Variants in SMAD6 observed in about 807,000 individuals in gnomAD.
SMAD6 encodes MAD homolog 6.
A neutral mutation model predicts 39.4 loss-of-function variants in SMAD6; 103 were observed. That is an observed-to-expected ratio of 2.62 (90% CI 2.23 to 3.08). The LOEUF is 3.08. SMAD6 is among the 30% of genes most tolerant of loss of function. SMAD6 has a pLI of 0.00. For synonymous variants in SMAD6, 445 were observed against 353.3 expected, an observed-to-expected ratio of 1.26 and a Z score of -2.91; for missense variants, 1,104 against 742.9, an observed-to-expected ratio of 1.49 and a Z score of -5.65.
At chr15:66,713,863 G>C (rs1378078339) in intron 2 of SMAD6, among the ~76,000 whole-genome samples, 1 of 152,158 alleles carries the variant, frequency 6.6e-6, no homozygotes, top group African/African-American at 2.4e-5. Context: ...TAGTTCTCTC[G>C]GAAACTGGAG....
intron 3 of SMAD6, among the ~76,000 whole-genome samples, chr15:66,772,052 C>T (rs1894387570): frequency 6.6e-6 from 1 of 152,198 alleles, no homozygotes; most frequent in South Asian, 2.1e-4. Context: ...TCGAGGATCC[C>T]TCTTCACGTC....
At chr15:66,755,605 C>G (rs2140653022) in intron 3 of SMAD6, among the ~76,000 whole-genome samples, 1 of 152,240 alleles carries the variant, frequency 6.6e-6, no homozygotes, top group South Asian at 2.1e-4. Flanking sequence ...GTGTTGAAGG[C>G]TGTGTCTGCA....
At chr15:66,725,288 C>T (rs760489122) in intron 3 of SMAD6, among the ~76,000 whole-genome samples, 6 of 152,146 alleles carry the variant, frequency 3.9e-5, no homozygotes, top group South Asian at 4.1e-4. Context: ...TTTCCCCATG[C>T]CCCCCAGTCA....
At chr15:66,744,208 C>T (rs934061390) in intron 3 of SMAD6, among the ~76,000 whole-genome samples, 1 of 152,014 alleles carries the variant, frequency 6.6e-6, no homozygotes, top group Non-Finnish European at 1.5e-5. Context: ...CAGAAAGAGT[C>T]GAAAAAACAA....
intron 3 of SMAD6, among the ~76,000 whole-genome samples, chr15:66,731,218 C>G (rs978883903): frequency 2.4e-4 from 36 of 152,040 alleles, no homozygotes; most frequent in African/African-American, 8.7e-4. Flanking sequence ...GCGGGCGGAT[C>G]ACGAGGTCAG....
intron 3 of SMAD6, among the ~76,000 whole-genome samples, chr15:66,756,967 C>CAG (rs910099836): frequency 1.3e-5 from 2 of 152,186 alleles, no homozygotes; most frequent in African/African-American, 4.8e-5. Flanking sequence ...CTCATGTCTA[C>CAG]CTGAGACGGT....
At chr15:66,707,900 C>T (rs1893150505) in intron 1 of SMAD6, 2 of 152,322 alleles carry the variant, frequency 1.3e-5, no homozygotes, top group Non-Finnish European at 2.9e-5. Context: ...ATGTCCCAAA[C>T]TGAAACTTTG....
intron 3 of SMAD6, among the ~76,000 whole-genome samples, chr15:66,745,793 G>T (rs55981625): frequency 0.12 from 18,450 of 152,132 alleles, 1,377 homozygotes; most frequent in Admixed American, 0.24. Flanking sequence ...CCCACAGAGT[G>T]AATGGGTGGG....
intron 3 of SMAD6, among the ~76,000 whole-genome samples, chr15:66,775,365 T>C (rs1595801255): frequency 6.6e-6 from 1 of 152,180 alleles, no homozygotes; most frequent in South Asian, 2.1e-4. Flanking sequence ...AGTTTTTGTT[T>C]ATTGGTTTTC....
At chr15:66,780,931 C>A in intron 3 of SMAD6, 66 bp from the exon 4 acceptor site, 2 of 1,459,588 alleles carry the variant, frequency 1.4e-6, no homozygotes, top group Non-Finnish European at 9.1e-7. Context: ...GTGCCCACCT[C>A]CGCTCCTCGG....
intron 3 of SMAD6, among the ~76,000 whole-genome samples, chr15:66,745,974 G>C (rs1033147291): frequency 2.6e-5 from 4 of 152,174 alleles, no homozygotes; most frequent in Admixed American, 2.6e-4. Context: ...CAGAGACAAA[G>C]GCCTGTTGCA....
At chr15:66,748,404 G>A (rs1245689546) in intron 3 of SMAD6, among the ~76,000 whole-genome samples, 1 of 152,110 alleles carries the variant, frequency 6.6e-6, no homozygotes. Flanking sequence ...CGCACATAAT[G>A]AACCTTTTAA....
chr15:66,737,612 C>T (rs1893736506), intron 3 of SMAD6, among the ~76,000 whole-genome samples: 3 of 152,054 alleles, frequency 2.0e-5, no homozygotes, highest in Admixed American at 2.0e-4. Flanking sequence ...CCCCCTTTCC[C>T]ACCACTTCCT....
chr15:66,703,546 AG>A lies in SMAD6; in HGVS notation c.292del (p.Ala98ProfsTer27). ...GGPPRPMSEP[G>X]AGAGSSLLDV... ...GCCCCCCGAGGCCCATGTCGGAGCC[AG>A]GGGCCGGCGCTGGGAGCTCCCTGCT... On this transcript the variant is annotated frameshift_variant, in exon 1 of 4. Transcript: ENST00000288840. LOFTEE classifies it high-confidence loss of function. 8.2e-7 allele frequency: 1 copy of A among 1,221,454 alleles called. No individual in the cohort carries two copies. The allele number at this position is 1,221,454 out of a possible 1,614,324, so 75.7% of individuals were successfully genotyped here. A position where few individuals can be genotyped will look rare whatever the true frequency, so the allele number is the denominator to read the frequency against.
intron 3 of SMAD6, among the ~76,000 whole-genome samples, chr15:66,733,693 A>G (rs1893668600): frequency 6.6e-6 from 1 of 152,158 alleles, no homozygotes; most frequent in Admixed American, 6.6e-5. Flanking sequence ...TCAGGGGAAG[A>G]GTTGTAAAGT....
intron 3 of SMAD6, among the ~76,000 whole-genome samples, chr15:66,738,351 C>T (rs1314372593): frequency 2.6e-5 from 4 of 152,168 alleles, no homozygotes; most frequent in South Asian, 4.1e-4. Flanking sequence ...GGCTTAGCTC[C>T]GAACAGGACA....
chr15:66,715,346 T>C (rs1893308175), intron 2 of SMAD6, among the ~76,000 whole-genome samples: 1 of 149,932 alleles, frequency 6.7e-6, no homozygotes, highest in Non-Finnish European at 1.5e-5. Context: ...CCCCAAGCCA[T>C]GTGGTAAAAG....
chr15:66,750,192 G>A (rs1243403421), intron 3 of SMAD6, among the ~76,000 whole-genome samples: 1 of 152,164 alleles, frequency 6.6e-6, no homozygotes, highest in Non-Finnish European at 1.5e-5. Flanking sequence ...GTGACCTTGG[G>A]CCAGTCACCA....
At chr15:66,722,031 A>G (rs753974883) in intron 3 of SMAD6, among the ~76,000 whole-genome samples, 1 of 152,200 alleles carries the variant, frequency 6.6e-6, no homozygotes, top group Non-Finnish European at 1.5e-5. Flanking sequence ...TGAGAAACCA[A>G]AGGAGTTTCG....
Sources: allele counts gnomAD v4.1 joint callset (sites outside exome capture counted in the v4.1 genomes callset), GRCh38; gene constraint gnomAD v4.1.1; transcripts MANE v1.5; gene names NCBI Gene and HGNC (gene_info 2026-07-23, HGNC 2026-07-21).